Variants in PHF21B observed in about 807,000 individuals in gnomAD.
The protein encoded by PHF21B is PHD finger protein 21B, also known as PHD finger protein 4.
A neutral mutation model predicts 62.2 loss-of-function variants in PHF21B; 22 were observed. The ratio of observed to expected loss-of-function variants is 0.35; its 90% CI spans 0.25 to 0.51. The LOEUF is 0.51. PHF21B is among the 20% of genes least tolerant of loss of function. The pLI is 0.97. For synonymous variants in PHF21B, 341 were observed against 314.7 expected (o/e 1.08, Z -0.88); for missense variants, 701 against 707.9 (o/e 0.99, Z 0.11).
rs144608400 is a variant in PHF21B, at chr22:44,972,498, A to G, written c.120+36047T>C. ...TTGGCAGACGCGGCTGCTCAGTGCA[A>G]TGAGGAAGCCGGAAACCGAGTGTTG... On this transcript the variant is annotated intron_variant, in intron 2 of 12. Coordinates refer to ENST00000313237, the MANE Select transcript of PHF21B (RefSeq NM_138415.5). 4.9e-3 allele frequency among the ~76,000 whole-genome samples: 739 copies of G among 152,260 alleles called. 9 individuals carry two copies. The highest frequency in any genetic ancestry group is 0.017 in the African/African-American group (710 of 41,546).
At chr22:44,897,147 T>C (rs913930725) in intron 5 of PHF21B, among the ~76,000 whole-genome samples, 1 of 152,134 alleles carries the variant, frequency 6.6e-6, no homozygotes, top group Non-Finnish European at 1.5e-5. Flanking sequence ...GCTGGTATTA[T>C]AGACGTGGGC....
At chr22:44,917,026 G>T (rs991586710) in intron 3 of PHF21B, among the ~76,000 whole-genome samples, 2 of 152,222 alleles carry the variant, frequency 1.3e-5, no homozygotes, top group African/African-American at 2.4e-5. Flanking sequence ...CTGCCCCTCG[G>T]CAGGGACTGG....
At chr22:44,955,985 A>G (rs751300505) in intron 2 of PHF21B, among the ~76,000 whole-genome samples, 3 of 152,210 alleles carry the variant, frequency 2.0e-5, no homozygotes, top group African/African-American at 4.8e-5. Context: ...GCCCTGGCCC[A>G]CGACAGGGAG....
At chr22:44,956,022 G>A (rs569150326) in intron 2 of PHF21B, among the ~76,000 whole-genome samples, 4 of 152,308 alleles carry the variant, frequency 2.6e-5, no homozygotes, top group Non-Finnish European at 4.4e-5. Context: ...TGGGCACAGC[G>A]ATGAACAACA....
At position 44,961,288 on chromosome 22, in the gene PHF21B, A is replaced by G. The variant is rs371559950; in HGVS notation, c.121-40798T>C. 3.9e-5 allele frequency among the ~76,000 whole-genome samples: 6 copies of G among 151,920 alleles called. No homozygotes were observed. The South Asian group carries it at 1.0e-3, about 26-fold the overall frequency. ...TATACAATTTCAACTTTTATTTTAG[A>G]TTCAGGGGGTACAGGTGCAGGTTAC... On this transcript the variant is annotated intron_variant, in intron 2 of 12. Transcript: ENST00000313237.
chr22:44,889,498 T>C (rs78531974), intron 9 of PHF21B, among the ~76,000 whole-genome samples: 7,165 of 152,302 alleles, frequency 0.047, 255 homozygotes, highest in African/African-American at 0.1. Flanking sequence ...CCCTGCAGTC[T>C]CTGCATCCTC....
chr22:45,008,899 C>T, intron 1 of PHF21B: 1 of 1,166,534 alleles, frequency 8.6e-7, no homozygotes, highest in Non-Finnish European at 1.1e-6. Flanking sequence ...GGTGCGTGTG[C>T]GAGTGAGTGT....
In PHF21B at chr22:44,916,349, G is replaced by A. The variant is rs758017883; in HGVS notation, c.495C>T (p.Pro165=). The A allele has an allele frequency of 1.3e-6, 2 of 1,597,274 alleles. No individual in the cohort carries two copies. Among genetic ancestry groups the A allele is most frequent in the Non-Finnish European group, 1.7e-6 (2 of 1,176,634 alleles). The change falls in exon 4 of 13, where the codon CCC becomes CCT. Residue 165 remains proline (P), a synonymous_variant. Transcript: ENST00000313237. ...TSPSNAAAMA[P]STAVSVVSDS... ...CACTGACCACAGACACGGCGGTGCTGGGGGCCATGGCGGCGGCATTGCTGG... is the reference window on the plus strand; with the variant it reads ...CACTGACCACAGACACGGCGGTGCTAGGGGCCATGGCGGCGGCATTGCTGG...
At chr22:44,906,771 G>A (rs6007380) in intron 5 of PHF21B, among the ~76,000 whole-genome samples, 14,423 of 152,056 alleles carry the variant, frequency 0.095, 722 homozygotes, top group African/African-American at 0.14. Flanking sequence ...CCTGCCCCCC[G>A]CTACTGTGCA....
At chr22:44,910,044 C>A (rs749637631) in intron 5 of PHF21B, among the ~76,000 whole-genome samples, 28 of 152,276 alleles carry the variant, frequency 1.8e-4, no homozygotes, top group Admixed American at 1.8e-3. Context: ...GCCTTTGGCA[C>A]GGAGCCTGGC....
chr22:44,928,433 G>A (rs557037936), intron 2 of PHF21B, among the ~76,000 whole-genome samples: 5 of 152,048 alleles, frequency 3.3e-5, no homozygotes, highest in South Asian at 4.2e-4. Flanking sequence ...TTTTTGAGAC[G>A]GAGTCTTGCT....
intron 5 of PHF21B, among the ~76,000 whole-genome samples, chr22:44,911,759 G>A (rs1412046138): frequency 1.3e-5 from 2 of 152,246 alleles, no homozygotes; most frequent in Non-Finnish European, 2.9e-5. Context: ...ATGTGCAGTT[G>A]GAGCCCCTAC....
chr22:44,897,818 T>G (rs1428490842), intron 5 of PHF21B, among the ~76,000 whole-genome samples: 1 of 152,140 alleles, frequency 6.6e-6, no homozygotes, highest in Non-Finnish European at 1.5e-5. Flanking sequence ...TTAGTCTTTT[T>G]GTTTTTTAGA....
chr22:44,949,926 G>C (rs1369884980), intron 2 of PHF21B, among the ~76,000 whole-genome samples: 1 of 152,172 alleles, frequency 6.6e-6, no homozygotes, highest in Non-Finnish European at 1.5e-5. Flanking sequence ...TTTAATCACA[G>C]CTTCCAAAAC....
At position 44,885,447 on chromosome 22, in the gene PHF21B, C is replaced by T; in HGVS notation, c.1356G>A (p.Arg452=). The T allele has an allele frequency of 6.3e-7, 1 of 1,588,192 alleles. No homozygotes were observed. The highest frequency in any genetic ancestry group is 8.6e-7 in the Non-Finnish European group (1 of 1,168,450). ...ACACCTGCACTGCTGACGCCAGCCGCCGGTCCCGCTCCTCCAGCTGCTGGT... is the reference window on the plus strand; with the variant it reads ...ACACCTGCACTGCTGACGCCAGCCGTCGGTCCCGCTCCTCCAGCTGCTGGT... ...NEHQQLEERD[R]RLASAVQKCL... The change falls in exon 12 of 13, where the codon CGG becomes CGA. Residue 452 remains arginine, a synonymous_variant. Coordinates refer to ENST00000313237, the MANE Select transcript of PHF21B (RefSeq NM_138415.5).
At chr22:45,004,328 T>A (rs1022672253) in intron 2 of PHF21B, among the ~76,000 whole-genome samples, 1 of 148,388 alleles carries the variant, frequency 6.7e-6, no homozygotes, top group African/African-American at 2.5e-5. Flanking sequence ...TGGTAGTGGG[T>A]GGGCGCAGGG....
intron 2 of PHF21B, among the ~76,000 whole-genome samples, chr22:44,985,117 T>TG (rs2072922751): frequency 6.6e-6 from 1 of 152,250 alleles, no homozygotes; most frequent in Non-Finnish European, 1.5e-5. Flanking sequence ...GAAAACTTTT[T>TG]GCTCCTGCTT....
At chr22:44,921,349 C>T (rs1374271621) in intron 2 of PHF21B, among the ~76,000 whole-genome samples, 3 of 147,394 alleles carry the variant, frequency 2.0e-5, no homozygotes, top group Non-Finnish European at 4.5e-5. Flanking sequence ...CCGATGGAAC[C>T]GGAACAGTTC....
intron 2 of PHF21B, among the ~76,000 whole-genome samples, chr22:44,944,994 TGA>T (rs1370112762): frequency 8.8e-6 from 1 of 114,164 alleles, no homozygotes; most frequent in Non-Finnish European, 1.8e-5. Flanking sequence ...TAGGAGCACA[TGA>T]GATTCCTGCA....
Sources: allele counts gnomAD v4.1 joint callset (sites outside exome capture counted in the v4.1 genomes callset), GRCh38; gene constraint gnomAD v4.1.1; transcripts MANE v1.5; gene names NCBI Gene and HGNC (gene_info 2026-07-23, HGNC 2026-07-21).